The following DMD variants were observed in gnomAD, a reference collection of about 807,000 sequenced individuals.
DMD encodes mutant dystrophin.
In DMD, 63 loss-of-function variants were observed where a neutral mutation model predicts 330.1. That is an observed-to-expected ratio of 0.19 (90% CI 0.16 to 0.24). The LOEUF is 0.24. DMD is among the 10% of genes least tolerant of loss of function. The probability of loss-of-function intolerance (pLI) is 1.00; values close to 1 mark genes in which losing one functional copy is unlikely to be tolerated. For synonymous variants in DMD, 1,223 were observed against 959.8 expected (o/e 1.27, Z -5.07); for missense variants, 3,344 against 2,684.1 (o/e 1.25, Z -5.43).
rs397933423 is a variant in DMD, at chrX:32,417,822, TAC to T, written c.4072-5911_4072-5910del. ...ATAAACCCGAACTTTGTATCTCTGT[TAC>T]ACACACACACACACACACACAAATC... is the stretch of plus-strand genomic sequence containing the variant. On this transcript the variant is annotated intron_variant, in intron 29 of 78. Coordinates refer to ENST00000357033, the MANE Select transcript of DMD (RefSeq NM_004006.3). Among the ~76,000 whole-genome samples the T allele has an allele frequency of 5.7e-3, 595 of 105,086 alleles. 2 individuals carry two copies. The highest frequency in any genetic ancestry group is 0.019 in the African/African-American group (551 of 28,801). 91.3% of individuals were successfully genotyped at this position (105,086 alleles called of 115,157 possible).
chrX:31,843,972 C>T (rs997932904), intron 48 of DMD, among the ~76,000 whole-genome samples: 3 of 111,364 alleles, frequency 2.7e-5, no homozygotes, highest in Non-Finnish European at 1.9e-5. Flanking sequence ...GGTTCTCCTG[C>T]CTCAGCCTCC....
intron 44 of DMD, among the ~76,000 whole-genome samples, chrX:32,124,317 G>C (rs190956283): frequency 8.9e-6 from 1 of 112,316 alleles, no homozygotes; most frequent in East Asian, 2.8e-4. Flanking sequence ...AGAAATGACG[G>C]AACCATGATT....
chrX:31,479,827 A>G (rs755565708), intron 57 of DMD, among the ~76,000 whole-genome samples: 18 of 111,884 alleles, frequency 1.6e-4, no homozygotes, highest in African/African-American at 5.5e-4. Flanking sequence ...TCTGCCTTCA[A>G]AAAGTTTCTA....
At chrX:32,162,144 A>G (rs938495388) in intron 44 of DMD, among the ~76,000 whole-genome samples, 7 of 111,800 alleles carry the variant, frequency 6.3e-5, no homozygotes, top group Non-Finnish European at 1.3e-4. Flanking sequence ...ACAAACCTGT[A>G]CATTCTGCAC....
At chrX:31,232,904 G>T (rs1010309254) in intron 63 of DMD, among the ~76,000 whole-genome samples, 1 of 112,111 alleles carries the variant, frequency 8.9e-6, no homozygotes, top group African/African-American at 3.2e-5. Context: ...TCCATATTTA[G>T]TCTGCTGTTT....
chrX:32,650,789 C>G (rs1337171144), intron 9 of DMD, among the ~76,000 whole-genome samples: 12 of 111,888 alleles, frequency 1.1e-4, no homozygotes, highest in Admixed American at 1.9e-4. Context: ...GCTGTTAGGG[C>G]AACAATCAAC....
At chrX:32,720,878 C>A (rs771057398) in intron 7 of DMD, among the ~76,000 whole-genome samples, 1 of 111,648 alleles carries the variant, frequency 9.0e-6, no homozygotes, top group African/African-American at 3.2e-5. Flanking sequence ...CTTATTTCCT[C>A]ACCCTCACTA....
chrX:32,088,786 C>G (rs934460097), intron 44 of DMD, among the ~76,000 whole-genome samples: 8 of 109,881 alleles, frequency 7.3e-5, no homozygotes, highest in African/African-American at 2.7e-4. Flanking sequence ...AAGTGAATGG[C>G]CTTGATCCTT....
At chrX:32,145,702 T>C (rs1265703464) in intron 44 of DMD, among the ~76,000 whole-genome samples, 1 of 112,110 alleles carries the variant, frequency 8.9e-6, no homozygotes, top group Non-Finnish European at 1.9e-5. Context: ...TTTTAGATAA[T>C]ATATAGATTA....
intron 7 of DMD, among the ~76,000 whole-genome samples, chrX:32,753,366 C>T (rs898704692): frequency 4.5e-5 from 5 of 112,256 alleles, no homozygotes; most frequent in Admixed American, 2.8e-4. Context: ...TAACAGAACA[C>T]TTTGCCCATA....
At chrX:32,882,102 G>A (rs1334698043) in intron 2 of DMD, among the ~76,000 whole-genome samples, 1 of 111,924 alleles carries the variant, frequency 8.9e-6, no homozygotes, top group Non-Finnish European at 1.9e-5. Context: ...CGCCCCTGCT[G>A]CAGAAATACC....
At chrX:32,668,732 C>T (rs925445610) in intron 9 of DMD, among the ~76,000 whole-genome samples, 4 of 108,667 alleles carry the variant, frequency 3.7e-5, no homozygotes, top group African/African-American at 1.4e-4. Context: ...CCATCTTGCT[C>T]TCTGATAAAA....
At chrX:31,876,197 G>A (rs897446739) in intron 47 of DMD, among the ~76,000 whole-genome samples, 1 of 112,458 alleles carries the variant, frequency 8.9e-6, no homozygotes, top group Admixed American at 9.4e-5. Context: ...ACAATGCTAC[G>A]ACATAGATAT....
At position 32,454,718 on chromosome X, in the gene DMD, T is replaced by G; in HGVS notation, c.3547A>C (p.Arg1183=). ...TCTGGAGTTTTATATTCAAAATCTCTCTCAAGATACTCTTCTTCAGCTTGT... is the reference window on the plus strand; with the variant it reads ...TCTGGAGTTTTATATTCAAAATCTCGCTCAAGATACTCTTCTTCAGCTTGT... ...MTQAEEEYLE[R]DFEYKTPDEL... Residue 1183 remains arginine, a synonymous_variant, in exon 26 of 79, where the codon AGA becomes CGA. Transcript: ENST00000357033. 8.3e-7 allele frequency: 1 copy of G among 1,203,821 alleles called. No individual in the cohort carries two copies. Among genetic ancestry groups the G allele is most frequent in the Non-Finnish European group, 1.1e-6 (1 of 891,835 alleles).
Position 31,494,884 on chromosome X carries a change from T to C in DMD, c.8547+1904A>G, listed in dbSNP as rs2069678869. On this transcript the variant is annotated intron_variant, in intron 57 of 78. Transcript: ENST00000357033. The stretch of plus-strand genomic sequence containing the variant: ...TGTCCAGTGATTCATTTTCTTTGGT[T>C]TCTGGAACTAGCATAAAATTCATCT... Among the ~76,000 whole-genome samples, 5 of 111,946 alleles carry C rather than the reference T, an allele frequency of 4.5e-5. No homozygotes were observed. The Admixed American group carries it at 4.8e-4, about 11-fold the overall frequency.
At chrX:31,865,625 A>G (rs1006662116) in intron 48 of DMD, among the ~76,000 whole-genome samples, 3 of 50,916 alleles carry the variant, frequency 5.9e-5, no homozygotes, top group African/African-American at 2.9e-4. Context: ...TGACTGATTA[A>G]TTGGGAATCC....
At position 32,644,952 on chromosome X, in the gene DMD, G is replaced by A. The variant is rs779342713; in HGVS notation, c.1149+12C>T. 3.7e-5 allele frequency: 45 copies of A among 1,205,722 alleles called. No homozygotes were observed. In the South Asian group the frequency reaches 5.1e-4, roughly 14 times the overall value. Reference sequence around the variant, plus strand: ...CATATGTTTTGTTTTGTAAATTAACGTTTTAGTTTACCTCATGAGTATGAA... The same window carrying A: ...CATATGTTTTGTTTTGTAAATTAACATTTTAGTTTACCTCATGAGTATGAA... On this transcript the variant is annotated intron_variant, in intron 10 of 78. Coordinates refer to ENST00000357033, the MANE Select transcript of DMD (RefSeq NM_004006.3).
chrX:32,204,185 T>C lies in DMD; in HGVS notation c.6438+12731A>G, dbSNP rs192453426. On this transcript the variant is annotated intron_variant, in intron 44 of 78. Transcript: ENST00000357033. ...CTTAACATTTCTAACTTCTAGCTGA[T>C]GAACAGTAAAAAAAATATGGTGTTT... 2.9e-3 allele frequency among the ~76,000 whole-genome samples: 328 copies of C among 111,872 alleles called. 3 individuals carry two copies. Among genetic ancestry groups the C allele is most frequent in the African/African-American group, 0.01 (315 of 30,857 alleles).
At chrX:32,201,365 G>T (rs2097035709) in intron 44 of DMD, among the ~76,000 whole-genome samples, 1 of 109,688 alleles carries the variant, frequency 9.1e-6, no homozygotes, top group Admixed American at 9.8e-5. Context: ...GCAAAACTGT[G>T]GATATTTTGT....
Sources: gnomAD v4.1 joint callset for allele counts (sites outside exome capture counted in the v4.1 genomes callset) on GRCh38, gnomAD v4.1.1 for gene constraint, MANE v1.5 for transcripts, NCBI Gene and HGNC (gene_info 2026-07-23, HGNC 2026-07-21) for gene names.